FHOD3: variants seen among roughly 807,000 people sequenced by gnomAD.
FHOD3 encodes the protein formin homology 2 domain containing 3.
FHOD3 carries 90 observed loss-of-function variants against 173.0 expected under a neutral mutation model. That is an observed-to-expected ratio of 0.52 (90% CI 0.44 to 0.62). FHOD3 has a LOEUF of 0.62. Among genes scored for constraint, FHOD3 ranks in the 20% least tolerant of loss-of-function variants. The pLI, the probability that FHOD3 is intolerant of heterozygous loss-of-function variation, is 0.00. For missense variants in FHOD3, 1,945 were observed against 2,034.7 expected (o/e 0.96, Z 0.85); for synonymous variants, 828 against 823.0 (o/e 1.01, Z -0.10).
chr18:36,699,189 A>G (rs917822406), intron 17 of FHOD3, among the ~76,000 whole-genome samples: 1 of 152,264 alleles, frequency 6.6e-6, no homozygotes, highest in Non-Finnish European at 1.5e-5. Flanking sequence ...ATATTAGATT[A>G]TAATGGTTTT....
intron 10 of FHOD3, among the ~76,000 whole-genome samples, chr18:36,629,063 G>A (rs2034317249): frequency 6.6e-6 from 1 of 152,218 alleles, no homozygotes; most frequent in Admixed American, 6.5e-5. Context: ...TTTCAGTCAT[G>A]TGTATATTTT....
At chr18:36,728,040 G>A (rs866404685) in intron 19 of FHOD3, among the ~76,000 whole-genome samples, 6 of 152,190 alleles carry the variant, frequency 3.9e-5, no homozygotes, top group African/African-American at 1.4e-4. Flanking sequence ...AGGAAGAAGG[G>A]GGATGAGCAC....
chr18:36,487,332 C>A (rs2054243755), intron 3 of FHOD3, among the ~76,000 whole-genome samples: 2 of 152,162 alleles, frequency 1.3e-5, no homozygotes, highest in Admixed American at 1.3e-4. Flanking sequence ...TTATGGTTAG[C>A]CATTCTAACA....
At chr18:36,410,130 A>G (rs925727655) in intron 3 of FHOD3, among the ~76,000 whole-genome samples, 5 of 152,176 alleles carry the variant, frequency 3.3e-5, no homozygotes, top group Non-Finnish European at 5.9e-5. Context: ...TCATCCTCAA[A>G]AAAAACACCA....
intron 27 of FHOD3, among the ~76,000 whole-genome samples, chr18:36,769,009 C>T (rs1270320889): frequency 6.6e-6 from 1 of 152,134 alleles, no homozygotes; most frequent in Non-Finnish European, 1.5e-5. Flanking sequence ...AGCTGTGTTA[C>T]AGGGTGATAT....
chr18:36,763,709 G>C (rs1457344672), intron 27 of FHOD3, among the ~76,000 whole-genome samples: 1 of 150,792 alleles, frequency 6.6e-6, no homozygotes, highest in Non-Finnish European at 1.5e-5. Flanking sequence ...TATATGTATG[G>C]ATTCTACTTT....
intron 3 of FHOD3, among the ~76,000 whole-genome samples, chr18:36,390,470 A>G (rs2048248157): frequency 6.6e-6 from 1 of 152,244 alleles, no homozygotes; most frequent in East Asian, 1.9e-4. Flanking sequence ...GAGGAGACAG[A>G]GCCTGTTCTG....
intron 3 of FHOD3, among the ~76,000 whole-genome samples, chr18:36,472,581 C>CTA (rs2053343096): frequency 1.3e-5 from 2 of 152,148 alleles, no homozygotes; most frequent in Non-Finnish European, 2.9e-5. Flanking sequence ...TCTTTTCCTC[C>CTA]CCAGCCCTAG....
intron 5 of FHOD3, among the ~76,000 whole-genome samples, chr18:36,538,076 C>T (rs897350845): frequency 6.6e-6 from 1 of 152,200 alleles, no homozygotes; most frequent in East Asian, 1.9e-4. Flanking sequence ...AACAAACAAA[C>T]AAAACACCCT....
intron 9 of FHOD3, among the ~76,000 whole-genome samples, chr18:36,616,943 T>C (rs929390694): frequency 6.6e-6 from 1 of 152,224 alleles, no homozygotes; most frequent in Non-Finnish European, 1.5e-5. Flanking sequence ...GATTCAGATG[T>C]GTGCTTTCTG....
chr18:36,472,421 A>G (rs896331321), intron 3 of FHOD3, among the ~76,000 whole-genome samples: 7 of 152,226 alleles, frequency 4.6e-5, no homozygotes, highest in African/African-American at 1.4e-4. Flanking sequence ...TAATTTACAT[A>G]CCATAAAATT....
chr18:36,353,221 T>C (rs2046214491), intron 1 of FHOD3, among the ~76,000 whole-genome samples: 1 of 152,194 alleles, frequency 6.6e-6, no homozygotes, highest in African/African-American at 2.4e-5. Context: ...AATTATGAGG[T>C]ATGGTCTGCT....
At chr18:36,302,572 G>A (rs1353447933) in intron 1 of FHOD3, among the ~76,000 whole-genome samples, 2 of 152,224 alleles carry the variant, frequency 1.3e-5, no homozygotes, top group Non-Finnish European at 2.9e-5. Context: ...AGACCTGGCT[G>A]TTCAGTTCTC....
chr18:36,657,897 G>T (rs2036526466), intron 13 of FHOD3, among the ~76,000 whole-genome samples, 178 bp from the exon 14 acceptor site: 1 of 152,114 alleles, frequency 6.6e-6, no homozygotes, highest in Admixed American at 6.5e-5. Flanking sequence ...CCTCTTATGA[G>T]AAATTATCAG....
chr18:36,780,131 ACT>A lies in FHOD3; in HGVS notation c.*604_*605del. ...AGGCTCGCCTCTTCAGAATGGCAAA[ACT>A]CTTCTCAGTGTCCTCAGAAGCACCC... is the stretch of plus-strand genomic sequence containing the variant. On this transcript the variant is annotated 3_prime_UTR_variant, in exon 29 of 29. Transcript: ENST00000590592. The A allele has an allele frequency of 8.1e-7, 1 of 1,231,932 alleles. No homozygotes were observed. Among genetic ancestry groups the A allele is most frequent in the African/African-American group, 1.6e-5 (1 of 64,466 alleles). The allele number at this position is 1,231,932 out of a possible 1,614,324, so 76.3% of individuals were successfully genotyped here.
At chr18:36,499,447 G>T (rs950539785) in intron 3 of FHOD3, among the ~76,000 whole-genome samples, 1 of 152,184 alleles carries the variant, frequency 6.6e-6, no homozygotes, top group African/African-American at 2.4e-5. Context: ...CTTTTCTACT[G>T]ATGTTCTTCC....
At chr18:36,621,827 C>A (rs1414171684) in intron 9 of FHOD3, among the ~76,000 whole-genome samples, 1 of 152,194 alleles carries the variant, frequency 6.6e-6, no homozygotes, top group Non-Finnish European at 1.5e-5. Context: ...ATCCAGCAGT[C>A]CCACTTCTGG....
intron 1 of FHOD3, among the ~76,000 whole-genome samples, chr18:36,328,609 T>C (rs1248501134): frequency 6.6e-6 from 1 of 152,054 alleles, no homozygotes; most frequent in African/African-American, 2.4e-5. Context: ...CTCTGGCTGT[T>C]GGGTGGAGAG....
intron 14 of FHOD3, among the ~76,000 whole-genome samples, chr18:36,667,898 T>A (rs939503921): frequency 1.3e-5 from 2 of 152,210 alleles, no homozygotes; most frequent in African/African-American, 4.8e-5. Flanking sequence ...TGTAGAACAT[T>A]GTTGACTGAA....
Sources: gnomAD v4.1 joint callset for allele counts (sites outside exome capture counted in the v4.1 genomes callset) on GRCh38, gnomAD v4.1.1 for gene constraint, MANE v1.5 for transcripts, NCBI Gene and HGNC (gene_info 2026-07-23, HGNC 2026-07-21) for gene names.